USP9X: variants seen among roughly 807,000 people sequenced by gnomAD.
USP9X encodes the protein ubiquitin carboxyl-terminal hydrolase 9X.
In USP9X, 7 loss-of-function variants were observed where a neutral mutation model predicts 190.3. That is an observed-to-expected ratio of 0.04 (90% CI 0.02 to 0.07). The LOEUF (loss-of-function observed/expected upper bound fraction) is 0.07, where lower values mean the gene tolerates loss of function less well. Among genes scored for constraint, USP9X ranks in the 10% least tolerant of loss-of-function variants. USP9X has a pLI of 1.00. For missense variants in USP9X, 1,010 were observed against 1,916.9 expected (o/e 0.53, Z 8.83); for synonymous variants, 645 against 659.5 (o/e 0.98, Z 0.34).
At position 41,217,487 on chromosome X, in the gene USP9X, CAT is replaced by C. The variant is rs764922938; in HGVS notation, c.6209+147_6209+148del. The stretch of plus-strand genomic sequence containing the variant: ...AAACTCTGGGTCACAATAGAGAAAT[CAT>C]ATTAAAATAGTTACTTAGTCTAAAC... On this transcript the variant is annotated intron_variant, in intron 36 of 44. Transcript: ENST00000378308. The C allele has an allele frequency of 1.0e-4, 69 of 686,663 alleles. No homozygotes were observed. The African/African-American group carries it at 1.5e-3, about 15-fold the overall frequency. The allele number at this position is 686,663 out of a possible 1,213,427, so 56.6% of individuals were successfully genotyped here. A position where few individuals can be genotyped will look rare whatever the true frequency, so the allele number is the denominator to read the frequency against.
At chrX:41,177,838 C>A (rs899996628) in intron 21 of USP9X, among the ~76,000 whole-genome samples, 1 of 110,322 alleles carries the variant, frequency 9.1e-6, no homozygotes. Context: ...TGGGTTATAA[C>A]CATTGTAATG....
intron 18 of USP9X, among the ~76,000 whole-genome samples, chrX:41,168,586 G>A (rs896661464): frequency 3.6e-5 from 4 of 112,244 alleles, no homozygotes; most frequent in African/African-American, 9.7e-5. Flanking sequence ...GGCTCACTGC[G>A]GGCTCAAGCG....
intron 21 of USP9X, among the ~76,000 whole-genome samples, chrX:41,180,277 A>AT (rs1450636995): frequency 8.9e-6 from 1 of 112,458 alleles, no homozygotes; most frequent in East Asian, 2.8e-4. Flanking sequence ...ATTTGTTAGT[A>AT]TTTCAGTAAT....
chrX:41,098,716 C>T (rs990744065), intron 1 of USP9X, among the ~76,000 whole-genome samples: 7 of 108,476 alleles, frequency 6.5e-5, no homozygotes, highest in South Asian at 4.0e-4. Context: ...CCACCACACC[C>T]GGCTAATTTT....
intron 38 of USP9X, among the ~76,000 whole-genome samples, chrX:41,222,430 A>G (rs914388099): frequency 5.4e-5 from 6 of 112,022 alleles, no homozygotes; most frequent in Non-Finnish European, 1.1e-4. Flanking sequence ...GAGTTGAGGA[A>G]TAGAAAATGA....
chrX:41,167,847 AACAT>A (rs1374759476), intron 17 of USP9X, among the ~76,000 whole-genome samples, 156 bp from the exon 18 acceptor site: 2 of 112,401 alleles, frequency 1.8e-5, no homozygotes, highest in East Asian at 2.8e-4. Flanking sequence ...CCTTTTAATA[AACAT>A]ACATTTTATT....
At chrX:41,172,884 C>G (rs2062739250) in intron 21 of USP9X, among the ~76,000 whole-genome samples, 1 of 111,577 alleles carries the variant, frequency 9.0e-6, no homozygotes, top group Non-Finnish European at 1.9e-5. Flanking sequence ...GGTTTCTATT[C>G]CTTTGCATGT....
chrX:41,129,430 A>G (rs747993675), intron 3 of USP9X, among the ~76,000 whole-genome samples: 1 of 111,610 alleles, frequency 9.0e-6, no homozygotes, highest in Non-Finnish European at 1.9e-5. Flanking sequence ...GACTTTCATA[A>G]TTTTTGGGAT....
At chrX:41,178,540 T>C (rs1185745090) in intron 21 of USP9X, among the ~76,000 whole-genome samples, 2 of 111,979 alleles carry the variant, frequency 1.8e-5, no homozygotes, top group Non-Finnish European at 1.9e-5. Context: ...TTGAGAAATA[T>C]CTATTCAAGT....
rs2062676359 is a variant in USP9X, at chrX:41,166,095, A to G, written c.2209A>G (p.Met737Val). The change falls in exon 16 of 45, where the codon ATG (methionine) becomes GTG (valine). Residue 737 changes from methionine (M) to valine (V), a missense_variant. Transcript: ENST00000378308. ...TCCTTCTCTGTTAACTGAAAATGGA[A>G]TGAAGTGTTTTGAGCGATTCTTCAA... ...LDPSLLTENG[M>V]KCFERFFKAV... 2 of 1,209,711 alleles carry G rather than the reference A, an allele frequency of 1.7e-6. No homozygotes were observed. The highest frequency in any genetic ancestry group is 2.2e-6 in the Non-Finnish European group (2 of 895,153).
Position 41,132,899 on chromosome X carries a change from C to CT in USP9X, c.322+1371dup, listed in dbSNP as rs750006723. On this transcript the variant is annotated intron_variant, in intron 4 of 44. Coordinates refer to ENST00000378308, the MANE Select transcript of USP9X (RefSeq NM_001039591.3). ...AAAAAAGCTTAATGCTGGAATTAAT[C>CT]TTTTTTTTCCCCCAATGACTTTGGT... Among the ~76,000 whole-genome samples, 38 of 111,422 alleles carry CT rather than the reference C, an allele frequency of 3.4e-4. No homozygotes were observed. In the South Asian group the frequency reaches 0.012, roughly 36 times the overall value.
intron 5 of USP9X, among the ~76,000 whole-genome samples, chrX:41,135,994 T>A (rs1830966333): frequency 9.0e-6 from 1 of 111,613 alleles, no homozygotes; most frequent in African/African-American, 3.3e-5. Context: ...TTTTGTGGCC[T>A]ATAACCTATT....
At chrX:41,210,809 T>A in intron 33 of USP9X, 127 bp downstream of exon 33, 3 of 710,749 alleles carry the variant, frequency 4.2e-6, no homozygotes, top group Non-Finnish European at 6.0e-6. Flanking sequence ...TGAAACAGAA[T>A]GATTTATATA....
chrX:41,112,316 C>T (rs964893799), intron 1 of USP9X, among the ~76,000 whole-genome samples: 8 of 112,308 alleles, frequency 7.1e-5, no homozygotes, highest in African/African-American at 2.6e-4. Context: ...TTCCTTTTCT[C>T]CCCGTTTGAA....
intron 21 of USP9X, among the ~76,000 whole-genome samples, chrX:41,181,631 T>C (rs2062828106): frequency 9.2e-6 from 1 of 108,491 alleles, no homozygotes; most frequent in South Asian, 4.0e-4. Flanking sequence ...GTATTTTTTG[T>C]AGAGATGGGG....
intron 1 of USP9X, among the ~76,000 whole-genome samples, chrX:41,106,892 T>C (rs866817357): frequency 1.5e-4 from 12 of 79,166 alleles, no homozygotes; most frequent in South Asian, 5.9e-4. Context: ...CTTTTCTTTT[T>C]TTTTTTTTTT....
intron 21 of USP9X, among the ~76,000 whole-genome samples, chrX:41,179,172 C>T (rs1266750683): frequency 8.9e-6 from 1 of 112,087 alleles, no homozygotes; most frequent in Non-Finnish European, 1.9e-5. Context: ...TCTTCTTACT[C>T]AAGATTGATT....
chrX:41,138,136 A>G (rs1032661465), intron 6 of USP9X, among the ~76,000 whole-genome samples: 2 of 111,763 alleles, frequency 1.8e-5, no homozygotes, highest in African/African-American at 6.5e-5. Flanking sequence ...GGAGAAGCAT[A>G]TTCTATGGAG....
intron 44 of USP9X, 60 bp downstream of exon 44, chrX:41,230,656 G>A: frequency 1.0e-6 from 1 of 964,864 alleles, no homozygotes; most frequent in South Asian, 2.1e-5. Context: ...CTTAATTTTA[G>A]AGGATGGCTC....
Sources: gnomAD v4.1 joint callset for allele counts (sites outside exome capture counted in the v4.1 genomes callset) on GRCh38, gnomAD v4.1.1 for gene constraint, MANE v1.5 for transcripts, NCBI Gene and HGNC (gene_info 2026-07-23, HGNC 2026-07-21) for gene names.